The following ANO6 variants were observed in gnomAD, a reference collection of about 807,000 sequenced individuals.
ANO6 encodes the protein anoctamin 6.
ANO6 carries 106 observed loss-of-function variants against 117.5 expected under a neutral mutation model. That is an observed-to-expected ratio of 0.90 (90% CI 0.77 to 1.06). The LOEUF is 1.06. ANO6 is among the 50% of genes least tolerant of loss of function. The pLI is 0.00. For missense variants in ANO6, 955 were observed against 1,121.1 expected, an observed-to-expected ratio of 0.85 and a Z score of 2.12; for synonymous variants, 367 against 385.1, an observed-to-expected ratio of 0.95 and a Z score of 0.55.
intron 9 of ANO6, among the ~76,000 whole-genome samples, chr12:45,370,412 C>T (rs1941793374): frequency 6.6e-6 from 1 of 152,180 alleles, no homozygotes; most frequent in African/African-American, 2.4e-5. Flanking sequence ...CATAATGCTC[C>T]CATTTTACCC....
At chr12:45,398,808 C>T (rs1942701400) in intron 12 of ANO6, among the ~76,000 whole-genome samples, 1 of 152,166 alleles carries the variant, frequency 6.6e-6, no homozygotes, top group Non-Finnish European at 1.5e-5. Flanking sequence ...ACAATGCATA[C>T]ATAATCCTGA....
intron 2 of ANO6, among the ~76,000 whole-genome samples, chr12:45,306,579 T>C (rs545580700): frequency 2.6e-5 from 4 of 152,304 alleles, no homozygotes; most frequent in South Asian, 2.1e-4. Flanking sequence ...GATACTACTT[T>C]ATAGAAAAAT....
chr12:45,271,923 C>T (rs532162436), intron 1 of ANO6, among the ~76,000 whole-genome samples: 1 of 152,266 alleles, frequency 6.6e-6, no homozygotes, highest in South Asian at 2.1e-4. Flanking sequence ...TCTTTGAAAT[C>T]CTAAGTCTTC....
At chr12:45,242,395 A>T (rs976901099) in intron 1 of ANO6, among the ~76,000 whole-genome samples, 4 of 152,260 alleles carry the variant, frequency 2.6e-5, no homozygotes, top group African/African-American at 9.6e-5. Flanking sequence ...ATGGGAGAGA[A>T]TCGCCTGGTC....
chr12:45,249,948 T>C (rs1947877859), intron 1 of ANO6, among the ~76,000 whole-genome samples: 2 of 152,226 alleles, frequency 1.3e-5, no homozygotes, highest in Admixed American at 6.5e-5. Context: ...ACTGAGCAGA[T>C]CATTAATCTT....
At chr12:45,391,665 G>A (rs1396878806) in intron 12 of ANO6, among the ~76,000 whole-genome samples, 2 of 152,090 alleles carry the variant, frequency 1.3e-5, no homozygotes, top group Non-Finnish European at 2.9e-5. Flanking sequence ...TCAGGAGTTC[G>A]AGATCAGCCT....
chr12:45,421,015 G>T (rs541426338), intron 17 of ANO6, 56 bp from the exon 18 acceptor site: 5 of 1,585,574 alleles, frequency 3.2e-6, no homozygotes, highest in Non-Finnish European at 2.6e-6. Flanking sequence ...GCGAGACTCC[G>T]TCTCAAAAAC....
At chr12:45,351,453 G>A (rs976940317) in intron 7 of ANO6, among the ~76,000 whole-genome samples, 2 of 152,116 alleles carry the variant, frequency 1.3e-5, no homozygotes, top group Admixed American at 1.3e-4. Flanking sequence ...GAGGATTCTG[G>A]CTTGTGGGAG....
intron 12 of ANO6, among the ~76,000 whole-genome samples, chr12:45,393,559 T>C (rs933983172): frequency 1.3e-5 from 2 of 151,986 alleles, no homozygotes; most frequent in Admixed American, 1.3e-4. Flanking sequence ...TCACCAAGGT[T>C]GAAATGAAGG....
chr12:45,390,509 C>G lies in ANO6; in HGVS notation c.1386+11C>G, dbSNP rs764336205. 1.9e-6 allele frequency: 3 copies of G among 1,609,122 alleles called. No homozygotes were observed. The highest frequency in any genetic ancestry group is 1.7e-6 in the Non-Finnish European group (2 of 1,176,018). The stretch of plus-strand genomic sequence containing the variant: ...GCTGTCTTTTTCTGGGTAATTCTAT[C>G]ACAAAAATGTTTTGAATGATTAAAA... On this transcript the variant is annotated intron_variant, in intron 12 of 19. Coordinates refer to ENST00000320560, the MANE Select transcript of ANO6 (RefSeq NM_001025356.3).
chr12:45,229,548 C>G (rs184784889), intron 1 of ANO6, among the ~76,000 whole-genome samples: 2 of 152,182 alleles, frequency 1.3e-5, no homozygotes, highest in East Asian at 3.9e-4. Context: ...TGCCATCACG[C>G]CCAGCTAATT....
chr12:45,404,608 T>G (rs1018657314), intron 15 of ANO6, among the ~76,000 whole-genome samples: 21 of 152,118 alleles, frequency 1.4e-4, no homozygotes, highest in African/African-American at 5.1e-4. Context: ...CTTCTCCATC[T>G]TAAAGCCAGC....
intron 12 of ANO6, among the ~76,000 whole-genome samples, chr12:45,398,416 G>A (rs919353867): frequency 1.3e-5 from 2 of 152,200 alleles, no homozygotes; most frequent in Non-Finnish European, 2.9e-5. Flanking sequence ...TCCAATACAA[G>A]ACTATTGTAA....
chr12:45,440,152 A>C (rs1943754793), exon 20 of ANO6: 2 of 402,814 alleles, frequency 5.0e-6, no homozygotes, highest in Non-Finnish European at 8.4e-6. Context: ...AAAGTATTTT[A>C]GATCCTCCCT....
intron 1 of ANO6, among the ~76,000 whole-genome samples, chr12:45,264,076 G>A (rs554251518): frequency 1.0e-3 from 154 of 152,238 alleles, no homozygotes; most frequent in African/African-American, 1.9e-3. Flanking sequence ...GAAGGAAACC[G>A]AGGAAACCAG....
intron 2 of ANO6, among the ~76,000 whole-genome samples, chr12:45,310,094 T>G (rs1255261441): frequency 6.6e-6 from 1 of 152,152 alleles, no homozygotes; most frequent in African/African-American, 2.4e-5. Context: ...GGAGGAATAT[T>G]TATTTGCTGT....
intron 1 of ANO6, among the ~76,000 whole-genome samples, chr12:45,234,596 C>T (rs1156511635): frequency 6.6e-6 from 1 of 152,166 alleles, no homozygotes; most frequent in Non-Finnish European, 1.5e-5. Flanking sequence ...GTTACTGACA[C>T]TGATGTTGGT....
At chr12:45,292,870 C>T (rs1290477540) in intron 1 of ANO6, 18 of 1,547,738 alleles carry the variant, frequency 1.2e-5, no homozygotes, top group African/African-American at 4.1e-5. Context: ...GGGTAAGAAG[C>T]GTCAAGGACT....
intron 1 of ANO6, among the ~76,000 whole-genome samples, chr12:45,286,249 C>T (rs2137266220): frequency 6.6e-6 from 1 of 152,300 alleles, no homozygotes; most frequent in East Asian, 1.9e-4. Flanking sequence ...ATCCTCCTGT[C>T]TCAGCCTCCT....
Sources: allele counts gnomAD v4.1 joint callset (sites outside exome capture counted in the v4.1 genomes callset), GRCh38; gene constraint gnomAD v4.1.1; transcripts MANE v1.5; gene names NCBI Gene and HGNC (gene_info 2026-07-23, HGNC 2026-07-21).